Variants in ADAMTSL3 observed in about 807,000 individuals in gnomAD.
ADAMTSL3 encodes the protein ADAMTS-like protein 3.
In ADAMTSL3, 128 loss-of-function variants were observed where a neutral mutation model predicts 201.7. That is an observed-to-expected ratio of 0.63 (90% confidence interval 0.55 to 0.73). The LOEUF is 0.73. Ranked by LOEUF, ADAMTSL3 falls within the 30% of genes least tolerant of loss-of-function variation. The pLI, the probability that ADAMTSL3 is intolerant of heterozygous loss-of-function variation, is 0.00. For missense variants in ADAMTSL3, 1,990 were observed against 2,119.6 expected (o/e 0.94, Z 1.20); for synonymous variants, 738 against 748.4 (o/e 0.99, Z 0.23).
At chr15:83,974,285 G>A (rs552445174) in intron 20 of ADAMTSL3, among the ~76,000 whole-genome samples, 91 of 152,318 alleles carry the variant, frequency 6.0e-4, no homozygotes, top group Middle Eastern at 6.8e-3. Flanking sequence ...GTGACACTGA[G>A]CAAGTTATTT....
rs528098598 is a variant in ADAMTSL3, at chr15:83,917,189, A to G, written c.1987+3811A>G. Among the ~76,000 whole-genome samples, 7 of 152,344 alleles carry G rather than the reference A, an allele frequency of 4.6e-5. No homozygotes were observed. In the East Asian group the frequency reaches 9.6e-4, roughly 21 times the overall value. ...CTGGAAAAGTAATATACAAATTACAAGTTTCTGAAAAGATAAATTTTGGTC... is the reference window on the plus strand; with the variant it reads ...CTGGAAAAGTAATATACAAATTACAGGTTTCTGAAAAGATAAATTTTGGTC... On this transcript the variant is annotated intron_variant, in intron 16 of 29. Coordinates refer to ENST00000286744, the MANE Select transcript of ADAMTSL3 (RefSeq NM_207517.3).
chr15:83,802,993 T>A (rs1010178838), intron 4 of ADAMTSL3, among the ~76,000 whole-genome samples: 12 of 152,342 alleles, frequency 7.9e-5, no homozygotes, highest in African/African-American at 2.6e-4. Context: ...TCACAATTTT[T>A]AAAATTTTAA....
Position 83,722,022 on chromosome 15 carries a change from C to T in ADAMTSL3, c.189+17514C>T, listed in dbSNP as rs1393978518. The stretch of plus-strand genomic sequence containing the variant: ...CTGGGATTACAGGCATGAGCCACTG[C>T]ACCTGGCCACAGATTTATGTTTTTA... On this transcript the variant is annotated intron_variant, in intron 3 of 29. Transcript: ENST00000286744. 2.6e-5 allele frequency among the ~76,000 whole-genome samples: 4 copies of T among 152,156 alleles called. No individual in the cohort carries two copies. The East Asian group carries it at 7.7e-4, about 29-fold the overall frequency.
At chr15:83,824,891 A>C (rs1397590255) in intron 6 of ADAMTSL3, 5 of 152,170 alleles carry the variant, frequency 3.3e-5, no homozygotes, top group Admixed American at 1.3e-4. Context: ...ACAAATTTGC[A>C]TGTCATCTTG....
chr15:83,958,051 T>C (rs888491490), intron 19 of ADAMTSL3, among the ~76,000 whole-genome samples: 1 of 152,014 alleles, frequency 6.6e-6, no homozygotes, highest in African/African-American at 2.4e-5. Flanking sequence ...AAAAGTAATA[T>C]AAGTAGGTGA....
Position 83,924,303 on chromosome 15 carries a change from T to A in ADAMTSL3, c.2117+270T>A, listed in dbSNP as rs2141991306. On this transcript the variant is annotated intron_variant, in intron 17 of 29. Transcript: ENST00000286744. ...AACTGGCCTGCTACCCATAAAACCA[T>A]GAGATCAGTGGATTTGTTCTCTTTC... Among the ~76,000 whole-genome samples, 3 of 152,294 alleles carry A rather than the reference T, an allele frequency of 2.0e-5. No homozygotes were observed. The South Asian group carries it at 6.2e-4, about 32-fold the overall frequency.
chr15:83,790,765 C>G (rs1289467224), intron 4 of ADAMTSL3, among the ~76,000 whole-genome samples: 1 of 152,080 alleles, frequency 6.6e-6, no homozygotes, highest in Admixed American at 6.5e-5. Flanking sequence ...CCCAAGAAAT[C>G]TACAAGGTAA....
At chr15:83,899,756 A>G in intron 15 of ADAMTSL3, 25 bp downstream of exon 15, 1 of 1,603,400 alleles carries the variant, frequency 6.2e-7, no homozygotes, top group South Asian at 1.1e-5. Context: ...TTTTGTAGGA[A>G]TAATCAGGGC....
At chr15:83,729,958 C>T (rs1392138294) in intron 3 of ADAMTSL3, among the ~76,000 whole-genome samples, 1 of 152,092 alleles carries the variant, frequency 6.6e-6, no homozygotes, top group East Asian at 1.9e-4. Flanking sequence ...TCTTTGGTCA[C>T]TGCAGCCATA....
chr15:84,028,688 G>A (rs948921237), intron 27 of ADAMTSL3, among the ~76,000 whole-genome samples: 2 of 152,174 alleles, frequency 1.3e-5, no homozygotes, highest in African/African-American at 2.4e-5. Context: ...CCCAGAGGTG[G>A]TCTAAGTTTT....
chr15:83,689,744 G>A (rs1218491095), intron 2 of ADAMTSL3, among the ~76,000 whole-genome samples: 10 of 151,914 alleles, frequency 6.6e-5, no homozygotes, highest in Admixed American at 5.9e-4. Context: ...TTCTTATTTG[G>A]TTTTGTTTTC....
intron 2 of ADAMTSL3, among the ~76,000 whole-genome samples, chr15:83,683,730 G>A (rs17528206): frequency 0.077 from 11,688 of 152,074 alleles, 611 homozygotes; most frequent in Middle Eastern, 0.17. Context: ...TACTGTACCC[G>A]GCGCCTCCTT....
Position 83,813,337 on chromosome 15 carries a change from A to C in ADAMTSL3, c.364-6474A>C, listed in dbSNP as rs1016231690. Among the ~76,000 whole-genome samples, 5 of 152,226 alleles carry C rather than the reference A, an allele frequency of 3.3e-5. No individual in the cohort carries two copies. In the East Asian group the frequency reaches 9.6e-4, roughly 29 times the overall value. Reference sequence around the variant, plus strand: ...GCAGCCTGGGGTGGATCCCTAGCATAGGGGAGGATCTGACTTAACGAGGAC... The same window carrying C: ...GCAGCCTGGGGTGGATCCCTAGCATCGGGGAGGATCTGACTTAACGAGGAC... On this transcript the variant is annotated intron_variant, in intron 5 of 29. Coordinates refer to ENST00000286744, the MANE Select transcript of ADAMTSL3 (RefSeq NM_207517.3).
chr15:83,822,866 C>T (rs1223744788), intron 6 of ADAMTSL3, among the ~76,000 whole-genome samples: 14 of 151,926 alleles, frequency 9.2e-5, no homozygotes, highest in Admixed American at 4.6e-4. Flanking sequence ...GAGGTTGTAG[C>T]GAGCCGAGAT....
chr15:84,013,300 T>C (rs1484988666), intron 23 of ADAMTSL3, among the ~76,000 whole-genome samples: 2 of 152,234 alleles, frequency 1.3e-5, no homozygotes, highest in Non-Finnish European at 2.9e-5. Flanking sequence ...AATTCAAGTG[T>C]CACCATGTTC....
At chr15:83,714,304 G>A (rs535388929) in intron 3 of ADAMTSL3, among the ~76,000 whole-genome samples, 1 of 152,274 alleles carries the variant, frequency 6.6e-6, no homozygotes, top group Non-Finnish European at 1.5e-5. Flanking sequence ...GACATCCCAA[G>A]GGCAAGTGGG....
intron 3 of ADAMTSL3, among the ~76,000 whole-genome samples, chr15:83,749,496 C>A (rs984782728): frequency 6.6e-6 from 1 of 152,102 alleles, no homozygotes; most frequent in Admixed American, 6.5e-5. Flanking sequence ...ATGGACAGAA[C>A]AATTGGACTG....
chr15:83,901,338 TC>T (rs1299838833), intron 15 of ADAMTSL3, among the ~76,000 whole-genome samples: 3 of 151,914 alleles, frequency 2.0e-5, no homozygotes, highest in Admixed American at 2.0e-4. Flanking sequence ...AGCTTATTGT[TC>T]CAGAGACCAA....
intron 8 of ADAMTSL3, among the ~76,000 whole-genome samples, chr15:83,860,127 G>A (rs962654283): frequency 1.6e-4 from 25 of 152,234 alleles, no homozygotes; most frequent in African/African-American, 4.1e-4. Context: ...TACTCCTTGC[G>A]CCTAGGAGTT....
Sources: allele counts gnomAD v4.1 joint callset (sites outside exome capture counted in the v4.1 genomes callset), GRCh38; gene constraint gnomAD v4.1.1; transcripts MANE v1.5; gene names NCBI Gene and HGNC (gene_info 2026-07-23, HGNC 2026-07-21).